DOK5: variants seen among roughly 807,000 people sequenced by gnomAD.
The protein encoded by DOK5 is downstream of tyrosine kinase 5.
A neutral mutation model predicts 43.3 loss-of-function variants in DOK5; 27 were observed. That is an observed-to-expected ratio of 0.62 (90% confidence interval 0.46 to 0.86). The LOEUF is 0.86. Ranked by LOEUF, DOK5 falls within the 40% of genes least tolerant of loss-of-function variation. The pLI, the probability that DOK5 is intolerant of heterozygous loss-of-function variation, is 0.00. For synonymous variants in DOK5, 146 were observed against 140.1 expected (o/e 1.04, Z -0.30); for missense variants, 373 against 392.9 (o/e 0.95, Z 0.43).
At chr20:54,478,582 G>T (rs1445878895) in intron 1 of DOK5, among the ~76,000 whole-genome samples, 1 of 152,208 alleles carries the variant, frequency 6.6e-6, no homozygotes, top group East Asian at 1.9e-4. Flanking sequence ...GTTTGGGACG[G>T]TTTATAATTA....
At chr20:54,532,496 C>G in intron 1 of DOK5, among the ~76,000 whole-genome samples, 1 of 151,982 alleles carries the variant, frequency 6.6e-6, no homozygotes, top group Non-Finnish European at 1.5e-5. Context: ...CGCCCAGGTG[C>G]AAGAAAGAAG....
intron 1 of DOK5, among the ~76,000 whole-genome samples, chr20:54,501,894 T>C (rs568125191): frequency 2.0e-5 from 3 of 152,374 alleles, no homozygotes; most frequent in African/African-American, 7.2e-5. Context: ...TTTCTGACTT[T>C]TGAGCAAATT....
chr20:54,631,455 G>T (rs1434396297), intron 6 of DOK5, among the ~76,000 whole-genome samples: 2 of 151,464 alleles, frequency 1.3e-5, no homozygotes, highest in African/African-American at 4.8e-5. Flanking sequence ...AGGAAGGAAG[G>T]AAGGGAGGGA....
rs1600744702 is a variant in DOK5 at position 54,622,804 on chromosome 20, G to A, written c.735+12281G>A. 2.0e-5 allele frequency among the ~76,000 whole-genome samples: 3 copies of A among 152,230 alleles called. No homozygotes were observed. In the South Asian group the frequency reaches 6.2e-4, roughly 32 times the overall value. On this transcript the variant is annotated intron_variant, in intron 6 of 7. Coordinates refer to ENST00000262593, the MANE Select transcript of DOK5 (RefSeq NM_018431.5). ...CGGTGGTGAGTAATCCTATTTCCCA[G>A]TGTCGAGCATGGCAAAGAAGAGAGA... is the stretch of plus-strand genomic sequence containing the variant.
intron 2 of DOK5, among the ~76,000 whole-genome samples, chr20:54,569,910 G>T (rs1386668005): frequency 6.6e-6 from 1 of 152,170 alleles, no homozygotes; most frequent in Non-Finnish European, 1.5e-5. Flanking sequence ...ATGGGGACTG[G>T]AATATAACTG....
At chr20:54,555,510 T>C (rs1224267388) in intron 2 of DOK5, 1 of 155,254 alleles carries the variant, frequency 6.4e-6, no homozygotes, top group Admixed American at 6.3e-5. Context: ...TTCTTAGTAG[T>C]AGTGAGATTT....
chr20:54,537,554 T>C (rs6098053), intron 1 of DOK5, among the ~76,000 whole-genome samples: 3,780 of 152,170 alleles, frequency 0.025, 153 homozygotes, highest in African/African-American at 0.085. Context: ...ATACAATAAT[T>C]GAAATTGGAT....
chr20:54,610,604 G>C, intron 6 of DOK5, 81 bp downstream of exon 6: 1 of 1,316,904 alleles, frequency 7.6e-7, no homozygotes, highest in Non-Finnish European at 9.9e-7. Context: ...TGGAAAATAT[G>C]GTCAGCATTA....
chr20:54,588,405 C>T lies in DOK5; in HGVS notation c.175-78C>T, dbSNP rs1429630752. On this transcript the variant is annotated intron_variant, in intron 2 of 7. Transcript: ENST00000262593. ...CAGCTGTGCTGTGCCATACTGATTT[C>T]CGGGCCTCACCTTTGGTGTTGTATA... is the stretch of plus-strand genomic sequence containing the variant. 6.8e-6 allele frequency: 8 copies of T among 1,182,488 alleles called. No individual in the cohort carries two copies. The African/African-American group carries it at 1.1e-4, about 16-fold the overall frequency. 73.2% of individuals were successfully genotyped at this position (1,182,488 alleles called of 1,614,324 possible). A position where few individuals can be genotyped will look rare whatever the true frequency, so the allele number is the denominator to read the frequency against.
chr20:54,484,545 A>G (rs1222285612), intron 1 of DOK5, among the ~76,000 whole-genome samples: 1 of 152,190 alleles, frequency 6.6e-6, no homozygotes, highest in East Asian at 1.9e-4. Flanking sequence ...GTAGGACAAT[A>G]TAACAACCAA....
intron 1 of DOK5, among the ~76,000 whole-genome samples, chr20:54,546,860 A>T (rs75358856): frequency 6.6e-6 from 1 of 152,156 alleles, no homozygotes; most frequent in Non-Finnish European, 1.5e-5. Flanking sequence ...TGATTCCCCA[A>T]TGGTGGACAG....
intron 1 of DOK5, among the ~76,000 whole-genome samples, chr20:54,508,505 G>A (rs1231047976): frequency 2.0e-5 from 3 of 151,274 alleles, no homozygotes; most frequent in Non-Finnish European, 4.4e-5. Context: ...TGATGGTGAG[G>A]GAGTGTTGAG....
chr20:54,646,233 T>C lies in DOK5; in HGVS notation c.856+2655T>C, dbSNP rs535463168. Among the ~76,000 whole-genome samples the C allele has an allele frequency of 4.7e-5, 7 of 148,528 alleles. No homozygotes were observed. In the South Asian group the frequency reaches 1.5e-3, roughly 32 times the overall value. On this transcript the variant is annotated intron_variant, in intron 7 of 7. Transcript: ENST00000262593. ...ATTTTACTACCTTAATACTGTTATATCCACTGGTTATACTGTTTTTTTTTT... is the reference window on the plus strand; with the variant it reads ...ATTTTACTACCTTAATACTGTTATACCCACTGGTTATACTGTTTTTTTTTT...
chr20:54,541,143 T>A (rs1289041356), intron 1 of DOK5, among the ~76,000 whole-genome samples: 1 of 152,212 alleles, frequency 6.6e-6, no homozygotes, highest in Non-Finnish European at 1.5e-5. Context: ...CATCCTAGAC[T>A]TTTGTCTTAA....
chr20:54,646,040 A>G (rs1979404637), intron 7 of DOK5, among the ~76,000 whole-genome samples: 1 of 151,340 alleles, frequency 6.6e-6, no homozygotes, highest in South Asian at 2.1e-4. Context: ...ATTTCTCTGC[A>G]GAGAGAGTGA....
At chr20:54,480,764 C>T (rs768340205) in intron 1 of DOK5, among the ~76,000 whole-genome samples, 8 of 152,174 alleles carry the variant, frequency 5.3e-5, no homozygotes, top group Non-Finnish European at 1.2e-4. Flanking sequence ...AGGCCCTATG[C>T]TGCCCCAGAA....
intron 6 of DOK5, among the ~76,000 whole-genome samples, chr20:54,632,787 A>G (rs1978630555): frequency 1.3e-5 from 2 of 152,202 alleles, no homozygotes; most frequent in Non-Finnish European, 2.9e-5. Flanking sequence ...TACAAAATAC[A>G]AATTCCTGGC....
intron 6 of DOK5, among the ~76,000 whole-genome samples, chr20:54,623,716 A>T (rs1987055284): frequency 6.6e-6 from 1 of 151,996 alleles, no homozygotes; most frequent in Non-Finnish European, 1.5e-5. Flanking sequence ...ACTAGCTGGG[A>T]CTACAGGCGC....
chr20:54,640,648 T>C (rs1414466810), intron 6 of DOK5, among the ~76,000 whole-genome samples: 3 of 152,244 alleles, frequency 2.0e-5, no homozygotes, highest in Admixed American at 6.5e-5. Context: ...TGCTGTCATT[T>C]CACTCTTGAT....
Sources: allele counts gnomAD v4.1 joint callset (sites outside exome capture counted in the v4.1 genomes callset), GRCh38; gene constraint gnomAD v4.1.1; transcripts MANE v1.5; gene names NCBI Gene and HGNC (gene_info 2026-07-23, HGNC 2026-07-21).